GOLIM4: variants seen among roughly 807,000 people sequenced by gnomAD.
The protein encoded by GOLIM4 is golgi integral membrane protein 4, also known as 130 kDa golgi-localized phosphoprotein.
Under a neutral mutation model 107.4 loss-of-function variants are expected in GOLIM4, and 71 were observed. The observed-to-expected ratio is 0.66, with a 90% CI of 0.55 to 0.81. GOLIM4 has a LOEUF of 0.81. Among genes scored for constraint, GOLIM4 ranks in the 30% least tolerant of loss-of-function variants. The pLI, the probability that GOLIM4 is intolerant of heterozygous loss-of-function variation, is 0.00. For synonymous variants in GOLIM4, 327 were observed against 294.8 expected (o/e 1.11, Z -1.12); for missense variants, 830 against 826.1 (o/e 1.00, Z -0.06).
chr3:168,093,151 C>T (rs767674098), intron 1 of GOLIM4, among the ~76,000 whole-genome samples: 3 of 152,026 alleles, frequency 2.0e-5, no homozygotes, highest in Non-Finnish European at 4.4e-5. Context: ...TGAAATACTG[C>T]AAATAAAGGC....
intron 1 of GOLIM4, among the ~76,000 whole-genome samples, chr3:168,080,468 C>T (rs749929180): frequency 1.3e-5 from 2 of 152,184 alleles, no homozygotes; most frequent in African/African-American, 2.4e-5. Flanking sequence ...TCCTCAGTCA[C>T]ACTGGGAGCC....
intron 4 of GOLIM4, 131 bp from the exon 5 acceptor site, chr3:168,043,660 T>C: frequency 1.6e-6 from 1 of 615,106 alleles, no homozygotes; most frequent in Non-Finnish European, 2.6e-6. Context: ...AGGCTTTGTT[T>C]TTCTCAAGTT....
chr3:168,039,158 C>T (rs1026768187), intron 7 of GOLIM4, among the ~76,000 whole-genome samples: 1 of 151,942 alleles, frequency 6.6e-6, no homozygotes, highest in African/African-American at 2.4e-5. Flanking sequence ...AAGGATTGCA[C>T]CTAGTTCTGA....
chr3:168,065,348 G>A (rs1720495171), intron 1 of GOLIM4, among the ~76,000 whole-genome samples: 2 of 152,164 alleles, frequency 1.3e-5, no homozygotes, highest in Non-Finnish European at 2.9e-5. Flanking sequence ...TGCTAAGAAA[G>A]GTTCTGATTT....
At chr3:168,040,896 G>A (rs576505160) in intron 6 of GOLIM4, 27 bp from the exon 7 acceptor site, 2 of 1,431,112 alleles carry the variant, frequency 1.4e-6, no homozygotes, top group African/African-American at 2.8e-5. Flanking sequence ...TTTACATGTT[G>A]AGCTTTAACA....
intron 7 of GOLIM4, among the ~76,000 whole-genome samples, chr3:168,038,742 A>G (rs913967319): frequency 2.3e-4 from 35 of 152,332 alleles, no homozygotes; most frequent in African/African-American, 8.4e-4. Context: ...TTTTAAAAGG[A>G]GATTTGGGGA....
At chr3:168,040,542 G>T (rs1224113727) in intron 7 of GOLIM4, among the ~76,000 whole-genome samples, 1 of 152,162 alleles carries the variant, frequency 6.6e-6, no homozygotes. Flanking sequence ...TTAGACTACT[G>T]CATGTAGGGA....
Position 168,010,731 on chromosome 3 carries a change from T to A in GOLIM4, c.1941+12A>T, listed in dbSNP as rs766417729. 2.5e-6 allele frequency: 4 copies of A among 1,574,080 alleles called. No individual in the cohort carries two copies. Among genetic ancestry groups the A allele is most frequent in the South Asian group, 1.1e-5 (1 of 90,320 alleles). On this transcript the variant is annotated intron_variant, in intron 15 of 15. Transcript: ENST00000470487. ...CTCAAGTGCTCAATAGAAATATGTA[T>A]CCCGGTCATACATTTTCATCATTTT...
intron 8 of GOLIM4, among the ~76,000 whole-genome samples, chr3:168,034,511 G>C (rs969603437): frequency 1.3e-5 from 2 of 152,244 alleles, no homozygotes; most frequent in Admixed American, 1.3e-4. Flanking sequence ...ACCCTGAACA[G>C]AGTGAAGAGG....
chr3:168,057,627 C>T (rs9823167), intron 1 of GOLIM4, among the ~76,000 whole-genome samples: 8,962 of 152,210 alleles, frequency 0.059, 836 homozygotes, highest in African/African-American at 0.2. Flanking sequence ...CCTCCCTCGA[C>T]ACATGGGGAT....
At chr3:168,025,639 T>C (rs1002345868) in intron 12 of GOLIM4, among the ~76,000 whole-genome samples, 1 of 152,086 alleles carries the variant, frequency 6.6e-6, no homozygotes, top group African/African-American at 2.4e-5. Context: ...CAAAAGGAAA[T>C]GGTCATTTTC....
intron 14 of GOLIM4, among the ~76,000 whole-genome samples, chr3:168,013,063 C>T (rs1389317963): frequency 2.0e-5 from 3 of 150,388 alleles, no homozygotes; most frequent in South Asian, 2.1e-4. Context: ...TGTAAATGGA[C>T]TAAATGCTCC....
intron 1 of GOLIM4, among the ~76,000 whole-genome samples, chr3:168,059,439 A>G (rs1421418165): frequency 6.6e-6 from 1 of 152,198 alleles, no homozygotes; most frequent in Non-Finnish European, 1.5e-5. Context: ...GAAAAGGTTC[A>G]TAAAAGTAAG....
intron 8 of GOLIM4, among the ~76,000 whole-genome samples, 189 bp from the exon 9 acceptor site, chr3:168,033,041 T>C (rs963096970): frequency 2.0e-5 from 3 of 152,110 alleles, no homozygotes; most frequent in African/African-American, 4.8e-5. Flanking sequence ...ACTTATAAAA[T>C]AGACATAATA....
In GOLIM4 at chr3:168,095,464, GC is replaced by G; in HGVS notation, c.-180del. On this transcript the variant is annotated 5_prime_UTR_variant, in exon 1 of 16. It removes the in-frame stop codon of an upstream open reading frame in the 5' UTR. Transcript: ENST00000470487. ...CCGCTCAGCCCCCGCGCGGCGCGGG[GC>G]GCGCAGCCATCGACGCCGCCCGGGC... 1.8e-6 allele frequency: 1 copy of G among 557,268 alleles called. No homozygotes were observed. The highest frequency in any genetic ancestry group is 3.1e-6 in the Non-Finnish European group (1 of 321,818). The allele number at this position is 557,268 out of a possible 1,614,324, so 34.5% of individuals were successfully genotyped here. A position where few individuals can be genotyped will look rare whatever the true frequency, so the allele number is the denominator to read the frequency against.
chr3:168,054,918 G>C (rs977311884), intron 1 of GOLIM4, among the ~76,000 whole-genome samples: 1 of 152,060 alleles, frequency 6.6e-6, no homozygotes, highest in Non-Finnish European at 1.5e-5. Flanking sequence ...AGATCTGATG[G>C]TTTTAAAAAG....
chr3:168,038,535 G>A (rs552339217), intron 7 of GOLIM4, among the ~76,000 whole-genome samples: 1 of 152,136 alleles, frequency 6.6e-6, no homozygotes, highest in Non-Finnish European at 1.5e-5. Flanking sequence ...CTTGGTTCTG[G>A]TCATTGATTT....
intron 14 of GOLIM4, among the ~76,000 whole-genome samples, chr3:168,022,957 C>G (rs545340760): frequency 6.6e-6 from 1 of 152,180 alleles, no homozygotes; most frequent in African/African-American, 2.4e-5. Context: ...CCAGGGCAAC[C>G]TCCTCTGTCT....
At chr3:168,092,016 A>G (rs898117102) in intron 1 of GOLIM4, among the ~76,000 whole-genome samples, 1 of 152,188 alleles carries the variant, frequency 6.6e-6, no homozygotes, top group African/African-American at 2.4e-5. Context: ...GGGGAGCTTT[A>G]AAGACTTTTG....
Sources: allele counts gnomAD v4.1 joint callset (sites outside exome capture counted in the v4.1 genomes callset), GRCh38; gene constraint gnomAD v4.1.1; transcripts MANE v1.5; gene names NCBI Gene and HGNC (gene_info 2026-07-23, HGNC 2026-07-21).